The following CNTNAP2 variants were observed in gnomAD, a reference collection of about 807,000 sequenced individuals.
CNTNAP2 encodes the protein contactin-associated protein-like 2.
A neutral mutation model predicts 155.2 loss-of-function variants in CNTNAP2; 98 were observed. That is an observed-to-expected ratio of 0.63 (90% CI 0.54 to 0.75). The LOEUF is 0.75. CNTNAP2 is among the 30% of genes least tolerant of loss of function. CNTNAP2 has a pLI of 0.00. For synonymous variants in CNTNAP2, 651 were observed against 631.2 expected (o/e 1.03, Z -0.47); for missense variants, 1,727 against 1,688.1 (o/e 1.02, Z -0.40).
At chr7:148,058,740 T>A (rs1005804144) in intron 15 of CNTNAP2, among the ~76,000 whole-genome samples, 2 of 151,918 alleles carry the variant, frequency 1.3e-5, no homozygotes, top group Non-Finnish European at 2.9e-5. Context: ...GAAGAAGGAG[T>A]ACATGACCTC....
chr7:146,925,378 G>C (rs780841303), intron 3 of CNTNAP2, among the ~76,000 whole-genome samples: 33 of 152,122 alleles, frequency 2.2e-4, no homozygotes, highest in Non-Finnish European at 4.0e-4. Flanking sequence ...TTATTAAGAA[G>C]AGCAAGGTGA....
rs188780338 is a variant in CNTNAP2, at chr7:146,496,229, C to T, written c.98-278042C>T. On this transcript the variant is annotated intron_variant, in intron 1 of 23. Coordinates refer to ENST00000361727, the MANE Select transcript of CNTNAP2 (RefSeq NM_014141.6). ...CTCTAGATGTGGCTCTGAGTTCAGG[C>T]GGTGATGACTTTCTCAAAAGCCCAC... 8.0e-3 allele frequency among the ~76,000 whole-genome samples: 1,217 copies of T among 152,154 alleles called. 16 individuals are homozygous for T. Among genetic ancestry groups the T allele is most frequent in the Middle Eastern group, 0.027 (8 of 294 alleles).
chr7:146,506,740 C>G (rs928887391), intron 1 of CNTNAP2, among the ~76,000 whole-genome samples: 1 of 152,176 alleles, frequency 6.6e-6, no homozygotes. Flanking sequence ...ATAGGTGTCT[C>G]CTCCTTAGTG....
intron 1 of CNTNAP2, among the ~76,000 whole-genome samples, chr7:146,764,308 T>C (rs1354199240): frequency 2.6e-5 from 4 of 152,192 alleles, no homozygotes; most frequent in African/African-American, 9.6e-5. Flanking sequence ...AAAAGTCTAC[T>C]GTCACCACTG....
intron 9 of CNTNAP2, among the ~76,000 whole-genome samples, chr7:147,306,598 G>C (rs1042846197): frequency 1.1e-4 from 16 of 152,184 alleles, no homozygotes; most frequent in African/African-American, 3.9e-4. Flanking sequence ...TGTATCATTG[G>C]TTTGAAAGCA....
At chr7:147,866,595 G>A (rs1359641490) in intron 13 of CNTNAP2, among the ~76,000 whole-genome samples, 1 of 152,128 alleles carries the variant, frequency 6.6e-6, no homozygotes, top group Admixed American at 6.5e-5. Context: ...TTGTGAATCT[G>A]GGTGCTCCTG....
chr7:147,029,592 T>G (rs954272026), intron 3 of CNTNAP2, among the ~76,000 whole-genome samples: 1 of 151,378 alleles, frequency 6.6e-6, no homozygotes, highest in African/African-American at 2.4e-5. Context: ...CCAAATATAT[T>G]GGAAAAAATG....
intron 8 of CNTNAP2, among the ~76,000 whole-genome samples, chr7:147,157,013 C>G (rs947796843): frequency 6.6e-6 from 1 of 152,114 alleles, no homozygotes; most frequent in African/African-American, 2.4e-5. Context: ...AAAGCCTAAA[C>G]TCACCTGGCT....
intron 1 of CNTNAP2, among the ~76,000 whole-genome samples, chr7:146,396,171 G>A (rs1428982421): frequency 1.3e-5 from 2 of 152,018 alleles, no homozygotes; most frequent in South Asian, 2.1e-4. Context: ...GGGGAAAATA[G>A]TGTTTAGTTA....
intron 1 of CNTNAP2, among the ~76,000 whole-genome samples, chr7:146,200,799 T>A (rs1340742249): frequency 2.0e-5 from 3 of 152,176 alleles, no homozygotes; most frequent in Admixed American, 6.5e-5. Flanking sequence ...AGCCCATTTT[T>A]AAGTAACACA....
intron 1 of CNTNAP2, among the ~76,000 whole-genome samples, chr7:146,629,472 T>A (rs1471324550): frequency 6.6e-6 from 1 of 152,168 alleles, no homozygotes; most frequent in Non-Finnish European, 1.5e-5. Flanking sequence ...AGCAGTTGAA[T>A]AGTTTCTCTA....
At position 146,535,533 on chromosome 7, in the gene CNTNAP2, A is replaced by AGTT. The variant is rs56262259; in HGVS notation, c.98-238738_98-238737insGTT. Among the ~76,000 whole-genome samples the AGTT allele has an allele frequency of 2.7e-5, 4 of 145,900 alleles. No individual in the cohort carries two copies. In the South Asian group the frequency reaches 6.4e-4, roughly 23 times the overall value. On this transcript the variant is annotated intron_variant, in intron 1 of 23. Coordinates refer to ENST00000361727, the MANE Select transcript of CNTNAP2 (RefSeq NM_014141.6). ...GTAATCAATCAACATTTGTTTATTT[A>AGTT]AACTTTAAACTTTCTAATTCGTATT...
At chr7:147,387,016 G>C (rs1796636419) in intron 9 of CNTNAP2, among the ~76,000 whole-genome samples, 1 of 152,028 alleles carries the variant, frequency 6.6e-6, no homozygotes, top group African/African-American at 2.4e-5. Context: ...ACTTGTGCAG[G>C]GAAACTCCCA....
At chr7:146,899,357 A>G (rs1166337783) in intron 3 of CNTNAP2, among the ~76,000 whole-genome samples, 1 of 152,148 alleles carries the variant, frequency 6.6e-6, no homozygotes, top group Non-Finnish European at 1.5e-5. Flanking sequence ...CAGCATACTC[A>G]AATCGCATTC....
intron 4 of CNTNAP2, among the ~76,000 whole-genome samples, chr7:147,052,607 T>C (rs948049585): frequency 6.6e-6 from 1 of 152,060 alleles, no homozygotes; most frequent in Admixed American, 6.6e-5. Context: ...TTTTTCTAAT[T>C]TAAATATTTG....
intron 13 of CNTNAP2, among the ~76,000 whole-genome samples, chr7:147,767,738 A>T (rs2116530292): frequency 6.6e-6 from 1 of 152,198 alleles, no homozygotes; most frequent in South Asian, 2.1e-4. Flanking sequence ...GTAAGAGGTG[A>T]AGTGTCTTCA....
At chr7:146,572,884 C>G (rs1346442487) in intron 1 of CNTNAP2, among the ~76,000 whole-genome samples, 1 of 151,796 alleles carries the variant, frequency 6.6e-6, no homozygotes, top group African/African-American at 2.4e-5. Flanking sequence ...AAAGTTGGAA[C>G]AAGCAGAAAA....
At chr7:147,246,843 T>C (rs1804080653) in intron 8 of CNTNAP2, among the ~76,000 whole-genome samples, 1 of 152,214 alleles carries the variant, frequency 6.6e-6, no homozygotes, top group African/African-American at 2.4e-5. Context: ...TGTTTCTGTA[T>C]AGTGACACTA....
intron 10 of CNTNAP2, among the ~76,000 whole-genome samples, chr7:147,408,532 G>A (rs535150844): frequency 2.0e-5 from 3 of 152,142 alleles, no homozygotes; most frequent in Non-Finnish European, 2.9e-5. Flanking sequence ...AGGCTGACGC[G>A]GGCGGATCAC....
Sources: allele counts gnomAD v4.1 joint callset (sites outside exome capture counted in the v4.1 genomes callset), GRCh38; gene constraint gnomAD v4.1.1; transcripts MANE v1.5; gene names NCBI Gene and HGNC (gene_info 2026-07-23, HGNC 2026-07-21).